The following ARHGAP12 variants were observed in gnomAD, a reference collection of about 807,000 sequenced individuals.
ARHGAP12 encodes rho GTPase-activating protein 12.
A neutral mutation model predicts 108.6 loss-of-function variants in ARHGAP12; 64 were observed. The observed-to-expected ratio is 0.59, with a 90% CI of 0.48 to 0.73. The LOEUF is 0.73. ARHGAP12 is among the 30% of genes least tolerant of loss of function. ARHGAP12 has a pLI of 0.00. For synonymous variants in ARHGAP12, 312 were observed against 337.2 expected (o/e 0.93, Z 0.82); for missense variants, 940 against 1,005.9 (o/e 0.93, Z 0.89).
intron 3 of ARHGAP12, among the ~76,000 whole-genome samples, chr10:31,886,533 A>T (rs1456815151): frequency 6.6e-6 from 1 of 152,212 alleles, no homozygotes; most frequent in Non-Finnish European, 1.5e-5. Flanking sequence ...TGTGATGGAA[A>T]TCTACATGAA....
rs574173903 is a variant in ARHGAP12 at position 31,805,822 on chromosome 10, A to T, written c.*1836T>A. Reference sequence around the variant, plus strand: ...ACTAAATAAGCAAGATCTAAAGCATATTGTATTATTAAGGACATCTTTAGG... The same window carrying T: ...ACTAAATAAGCAAGATCTAAAGCATTTTGTATTATTAAGGACATCTTTAGG... On this transcript the variant is annotated 3_prime_UTR_variant, in exon 20 of 20. Transcript: ENST00000344936. 1.3e-5 allele frequency: 2 copies of T among 152,284 alleles called. No homozygotes were observed. Among genetic ancestry groups the T allele is most frequent in the African/African-American group, 2.4e-5 (1 of 41,562 alleles). The allele number at this position is 152,284 out of a possible 1,614,324, so 9.4% of individuals were successfully genotyped here.
intron 4 of ARHGAP12, among the ~76,000 whole-genome samples, chr10:31,859,714 A>C (rs545474454): frequency 1.3e-5 from 2 of 152,270 alleles, no homozygotes; most frequent in South Asian, 4.1e-4. Flanking sequence ...CTAATTCTCT[A>C]AAATTGTTAA....
At chr10:31,855,112 GA>G (rs1836839493) in intron 4 of ARHGAP12, among the ~76,000 whole-genome samples, 1 of 74,108 alleles carries the variant, frequency 1.3e-5, no homozygotes. Flanking sequence ...GGAGGGGAGG[GA>G]GAGGAAGGGA....
At chr10:31,854,883 C>T (rs925802959) in intron 4 of ARHGAP12, among the ~76,000 whole-genome samples, 13 of 150,602 alleles carry the variant, frequency 8.6e-5, no homozygotes, top group Non-Finnish European at 1.8e-4. Context: ...AATCCCAGCA[C>T]TTTGGGAGGC....
intron 1 of ARHGAP12, among the ~76,000 whole-genome samples, chr10:31,916,490 GC>G (rs1564433535): frequency 6.6e-6 from 1 of 152,072 alleles, no homozygotes; most frequent in Non-Finnish European, 1.5e-5. Context: ...CTACCAAGAA[GC>G]CTACCAAAAC....
At chr10:31,916,605 G>A (rs575211990) in intron 1 of ARHGAP12, among the ~76,000 whole-genome samples, 13 of 152,212 alleles carry the variant, frequency 8.5e-5, no homozygotes, top group African/African-American at 2.2e-4. Flanking sequence ...TAAACAAAAC[G>A]TTAAAGAAAC....
At chr10:31,902,866 T>C (rs957240384) in intron 3 of ARHGAP12, among the ~76,000 whole-genome samples, 4 of 152,184 alleles carry the variant, frequency 2.6e-5, no homozygotes, top group African/African-American at 9.7e-5. Context: ...TTTTTTTGGA[T>C]GAAATTAACA....
At chr10:31,881,329 A>T (rs994579640) in intron 3 of ARHGAP12, among the ~76,000 whole-genome samples, 1 of 152,138 alleles carries the variant, frequency 6.6e-6, no homozygotes, top group Non-Finnish European at 1.5e-5. Context: ...ACAGGAATAA[A>T]TGTCCTGGGC....
intron 4 of ARHGAP12, among the ~76,000 whole-genome samples, chr10:31,859,800 T>TC (rs1251206670): frequency 1.2e-5 from 1 of 84,008 alleles, no homozygotes; most frequent in Non-Finnish European, 3.1e-5. Context: ...AAAATTTTCC[T>TC]TTTTTTTTTT....
intron 9 of ARHGAP12, among the ~76,000 whole-genome samples, chr10:31,833,666 T>C (rs1835913926): frequency 6.6e-6 from 1 of 152,204 alleles, no homozygotes; most frequent in African/African-American, 2.4e-5. Flanking sequence ...ACAATTCCCA[T>C]GCAATGTGAT....
At chr10:31,900,449 C>T (rs1325627680) in intron 3 of ARHGAP12, among the ~76,000 whole-genome samples, 1 of 152,126 alleles carries the variant, frequency 6.6e-6, no homozygotes, top group Admixed American at 6.5e-5. Flanking sequence ...CTGGAAGCAA[C>T]CAAGACATCA....
At chr10:31,867,117 T>A (rs1237955680) in intron 3 of ARHGAP12, among the ~76,000 whole-genome samples, 6 of 150,016 alleles carry the variant, frequency 4.0e-5, no homozygotes, top group Non-Finnish European at 8.8e-5. Flanking sequence ...TTCTTTTTTT[T>A]GTTTTTTTTT....
intron 1 of ARHGAP12, among the ~76,000 whole-genome samples, chr10:31,918,819 G>C (rs769520376): frequency 5.9e-5 from 9 of 152,214 alleles, no homozygotes; most frequent in Non-Finnish European, 1.0e-4. Context: ...AGGGAAAATG[G>C]TATGGTAGTT....
intron 6 of ARHGAP12, among the ~76,000 whole-genome samples, chr10:31,850,161 T>C (rs1016884928): frequency 6.6e-6 from 1 of 152,216 alleles, no homozygotes; most frequent in African/African-American, 2.4e-5. Flanking sequence ...AACTGGTATT[T>C]GAGGTACTGT....
At position 31,835,349 on chromosome 10, in the gene ARHGAP12, A is replaced by G. The variant is rs571362090; in HGVS notation, c.1387-3549T>C. On this transcript the variant is annotated intron_variant, in intron 9 of 19. Coordinates refer to ENST00000344936, the MANE Select transcript of ARHGAP12 (RefSeq NM_018287.7). Reference sequence around the variant, plus strand: ...CATAAAAAATATCTTAAGTCCCATAAAATATATACAAACTTATACATGAAT... The same window carrying G: ...CATAAAAAATATCTTAAGTCCCATAGAATATATACAAACTTATACATGAAT... Among the ~76,000 whole-genome samples the G allele has an allele frequency of 2.0e-3, 312 of 152,300 alleles. 2 individuals carry two copies. The highest frequency in any genetic ancestry group is 6.8e-3 in the African/African-American group (284 of 41,576).
intron 3 of ARHGAP12, among the ~76,000 whole-genome samples, chr10:31,889,299 C>A (rs1838316355): frequency 6.6e-6 from 1 of 152,172 alleles, no homozygotes; most frequent in African/African-American, 2.4e-5. Context: ...AGCTAGCTAG[C>A]CTTCTAAGGC....
intron 5 of ARHGAP12, among the ~76,000 whole-genome samples, chr10:31,852,994 C>T (rs1242022895): frequency 6.6e-6 from 1 of 152,166 alleles, no homozygotes; most frequent in East Asian, 1.9e-4. Flanking sequence ...TCCCAAAGTG[C>T]TGGGATTATA....
intron 14 of ARHGAP12, 86 bp from the exon 15 acceptor site, chr10:31,812,909 TAACCTCATATGTC>T (rs1421583241): frequency 6.9e-5 from 46 of 663,290 alleles, no homozygotes; most frequent in Non-Finnish European, 1.1e-4. Flanking sequence ...CAAAACACAT[TAACCTCATATGTC>T]AAGATCATAG....
intron 9 of ARHGAP12, among the ~76,000 whole-genome samples, chr10:31,838,531 A>T (rs1003621778): frequency 3.9e-5 from 6 of 151,930 alleles, no homozygotes; most frequent in Non-Finnish European, 5.9e-5. Flanking sequence ...AAAAATTTTT[A>T]AAAAATTAGC....
Sources: gnomAD v4.1 joint callset for allele counts (sites outside exome capture counted in the v4.1 genomes callset) on GRCh38, gnomAD v4.1.1 for gene constraint, MANE v1.5 for transcripts, NCBI Gene and HGNC (gene_info 2026-07-23, HGNC 2026-07-21) for gene names.